Variants in CLIP1 observed in about 807,000 individuals in gnomAD.
CLIP1 encodes CAP-Gly domain-containing linker protein 1.
A neutral mutation model predicts 161.6 loss-of-function variants in CLIP1; 66 were observed. That is an observed-to-expected ratio of 0.41 (90% confidence interval 0.33 to 0.50). CLIP1 has a LOEUF of 0.50. Among genes scored for constraint, CLIP1 ranks in the 20% least tolerant of loss-of-function variants. CLIP1 has a pLI of 0.27. For missense variants in CLIP1, 1,376 were observed against 1,702.0 expected, an observed-to-expected ratio of 0.81 and a Z score of 3.37; for synonymous variants, 598 against 626.2, an observed-to-expected ratio of 0.96 and a Z score of 0.67.
intron 11 of CLIP1, among the ~76,000 whole-genome samples, chr12:122,337,404 C>T (rs1213808794): frequency 1.3e-5 from 2 of 150,262 alleles, no homozygotes; most frequent in Admixed American, 1.3e-4. Flanking sequence ...CGAGACCAGA[C>T]CACTGCACTC....
At chr12:122,368,870 G>A (rs1484284052) in intron 3 of CLIP1, among the ~76,000 whole-genome samples, 2 of 151,788 alleles carry the variant, frequency 1.3e-5, no homozygotes, top group Non-Finnish European at 2.9e-5. Context: ...GGTGGAGGTT[G>A]CAGTGACCCA....
intron 15 of CLIP1, among the ~76,000 whole-genome samples, chr12:122,331,310 T>A (rs1951954601): frequency 1.3e-5 from 2 of 151,972 alleles, no homozygotes; most frequent in Non-Finnish European, 2.9e-5. Flanking sequence ...CTACATACAG[T>A]GCCTGGCCTT....
Position 122,273,786 on chromosome 12 carries a change from C to G in CLIP1, c.4091+252G>C, listed in dbSNP as rs558185877. Among the ~76,000 whole-genome samples, 52 of 152,054 alleles carry G rather than the reference C, an allele frequency of 3.4e-4. 1 individual carries two copies. The highest frequency in any genetic ancestry group is 6.8e-4 in the Non-Finnish European group (46 of 68,004). On this transcript the variant is annotated intron_variant, in intron 25 of 25. Coordinates refer to ENST00000620786, the MANE Select transcript of CLIP1 (RefSeq NM_001247997.2). Reference sequence around the variant, plus strand: ...TTGCTCTGTCACCCAGGTTGGAGTACAGTGGCGCAATCTCGGCTCATTGCA... The same window carrying G: ...TTGCTCTGTCACCCAGGTTGGAGTAGAGTGGCGCAATCTCGGCTCATTGCA...
chr12:122,384,447 C>G (rs1267917503), intron 1 of CLIP1, among the ~76,000 whole-genome samples: 1 of 152,090 alleles, frequency 6.6e-6, no homozygotes, highest in Non-Finnish European at 1.5e-5. Context: ...GTTAAGTGAC[C>G]TTTCCAAGGT....
chr12:122,418,909 C>G (rs2137235498), intron 1 of CLIP1, among the ~76,000 whole-genome samples: 1 of 152,290 alleles, frequency 6.6e-6, no homozygotes, highest in African/African-American at 2.4e-5. Context: ...AGTGAAAAGT[C>G]ATACAAAGTG....
chr12:122,371,661 C>A (rs899914458), intron 3 of CLIP1, among the ~76,000 whole-genome samples: 1 of 152,148 alleles, frequency 6.6e-6, no homozygotes, highest in Non-Finnish European at 1.5e-5. Flanking sequence ...CCAAAGCAGT[C>A]AGGGCACAGG....
chr12:122,349,646 CCTTT>C, intron 9 of CLIP1, among the ~76,000 whole-genome samples: 1 of 152,198 alleles, frequency 6.6e-6, no homozygotes, highest in East Asian at 1.9e-4. Flanking sequence ...TAAAATCATT[CCTTT>C]CTTAGAATAA....
intron 1 of CLIP1, among the ~76,000 whole-genome samples, chr12:122,394,688 C>T (rs1418148161): frequency 1.3e-5 from 2 of 151,382 alleles, no homozygotes; most frequent in Admixed American, 6.6e-5. Context: ...GAGATCGAGA[C>T]CATCCTGGCC....
chr12:122,301,752 A>G (rs1338030531), intron 20 of CLIP1, among the ~76,000 whole-genome samples: 1 of 152,198 alleles, frequency 6.6e-6, no homozygotes, highest in Non-Finnish European at 1.5e-5. Flanking sequence ...GTTTACTTGG[A>G]TTTAACGCTC....
intron 17 of CLIP1, among the ~76,000 whole-genome samples, chr12:122,324,977 T>TA (rs1481239051): frequency 1.3e-5 from 2 of 152,152 alleles, no homozygotes; most frequent in Non-Finnish European, 2.9e-5. Flanking sequence ...AGTTTTTTTT[T>TA]TTTATTTACT....
chr12:122,383,073 T>C (rs1426945489), intron 1 of CLIP1, among the ~76,000 whole-genome samples: 1 of 152,162 alleles, frequency 6.6e-6, no homozygotes, highest in Non-Finnish European at 1.5e-5. Context: ...ACAACGACCA[T>C]GTCTACGTCC....
At chr12:122,352,216 C>A (rs1185806504) in intron 8 of CLIP1, among the ~76,000 whole-genome samples, 1 of 152,094 alleles carries the variant, frequency 6.6e-6, no homozygotes, top group East Asian at 1.9e-4. Flanking sequence ...CGCCACCACG[C>A]CCGGCTAATT....
In CLIP1 at chr12:122,398,551, T is replaced by G. The variant is rs545546586; in HGVS notation, c.-106-17993A>C. Among the ~76,000 whole-genome samples, 4 of 152,232 alleles carry G rather than the reference T, an allele frequency of 2.6e-5. No homozygotes were observed. The South Asian group carries it at 8.3e-4, about 32-fold the overall frequency. On this transcript the variant is annotated intron_variant, in intron 1 of 25. Transcript: ENST00000620786. ...TATAAAAGCAGAGACATTTTACTCG[T>G]AAGAACAAAATATGTTTTTAAAACA...
chr12:122,379,259 G>A (rs1954890020), intron 2 of CLIP1, among the ~76,000 whole-genome samples: 1 of 149,858 alleles, frequency 6.7e-6, no homozygotes, highest in East Asian at 2.0e-4. Flanking sequence ...AGTGAGCCGA[G>A]ATTGAGCCAC....
chr12:122,352,600 C>G (rs1037452417), intron 8 of CLIP1, 126 bp downstream of exon 8: 33 of 852,468 alleles, frequency 3.9e-5, no homozygotes, highest in African/African-American at 3.3e-5. Context: ...AAGCCACCCC[C>G]AGAACCTTCC....
At chr12:122,388,339 C>G (rs956541077) in intron 1 of CLIP1, among the ~76,000 whole-genome samples, 1 of 152,122 alleles carries the variant, frequency 6.6e-6, no homozygotes, top group African/African-American at 2.4e-5. Context: ...CCTGCCTCAG[C>G]CTCCCAAGTA....
chr12:122,369,948 A>C (rs1954352909), intron 3 of CLIP1, among the ~76,000 whole-genome samples: 1 of 151,968 alleles, frequency 6.6e-6, no homozygotes, highest in Admixed American at 6.6e-5. Flanking sequence ...AGATCATTTG[A>C]GGACAGGAAT....
intron 1 of CLIP1, among the ~76,000 whole-genome samples, chr12:122,411,166 A>G (rs1773085060): frequency 1.3e-5 from 2 of 152,250 alleles, no homozygotes; most frequent in Admixed American, 6.5e-5. Flanking sequence ...CTGTAATCCC[A>G]GCACTTTGGG....
intron 19 of CLIP1, among the ~76,000 whole-genome samples, chr12:122,314,465 T>G (rs993557857): frequency 8.5e-5 from 13 of 152,058 alleles, no homozygotes; most frequent in Non-Finnish European, 1.5e-4. Flanking sequence ...AGACTCTGTC[T>G]CAGAAACAAA....
Sources: allele counts gnomAD v4.1 joint callset (sites outside exome capture counted in the v4.1 genomes callset), GRCh38; gene constraint gnomAD v4.1.1; transcripts MANE v1.5; gene names NCBI Gene and HGNC (gene_info 2026-07-23, HGNC 2026-07-21).